MAPK4: variants seen among roughly 807,000 people sequenced by gnomAD.
MAPK4 encodes the protein Erk3-related.
Under a neutral mutation model 47.7 loss-of-function variants are expected in MAPK4, and 22 were observed. The ratio of observed to expected loss-of-function variants is 0.46; its 90% CI spans 0.33 to 0.66. The LOEUF (loss-of-function observed/expected upper bound fraction) is 0.66, where lower values mean the gene tolerates loss of function less well. Ranked by LOEUF, MAPK4 falls within the 30% of genes least tolerant of loss-of-function variation. The pLI is 0.02. For missense variants in MAPK4, 736 were observed against 831.7 expected, an observed-to-expected ratio of 0.88 and a Z score of 1.42; for synonymous variants, 390 against 365.7, an observed-to-expected ratio of 1.07 and a Z score of -0.76.
intron 1 of MAPK4, among the ~76,000 whole-genome samples, chr18:50,606,960 G>A (rs1232169940): frequency 6.6e-6 from 1 of 152,212 alleles, no homozygotes; most frequent in African/African-American, 2.4e-5. Context: ...TACGTGAGCC[G>A]AGTCCCTGTC....
intron 1 of MAPK4, among the ~76,000 whole-genome samples, chr18:50,614,534 T>G (rs1361808849): frequency 6.6e-6 from 1 of 152,172 alleles, no homozygotes; most frequent in Non-Finnish European, 1.5e-5. Context: ...TTTTTAACTC[T>G]AGCTTTTCAA....
intron 1 of MAPK4, among the ~76,000 whole-genome samples, chr18:50,646,689 G>A (rs114923974): frequency 0.013 from 2,050 of 152,238 alleles, 42 homozygotes; most frequent in African/African-American, 0.046. Context: ...TTCTCAGAGG[G>A]GAGCACAATA....
intron 3 of MAPK4, among the ~76,000 whole-genome samples, chr18:50,720,000 C>T (rs2144462743): frequency 6.6e-6 from 1 of 152,308 alleles, no homozygotes; most frequent in East Asian, 1.9e-4. Context: ...GATTGAATCA[C>T]ATGGCCTCCC....
At chr18:50,609,309 C>T (rs2042610914) in intron 1 of MAPK4, among the ~76,000 whole-genome samples, 2 of 151,430 alleles carry the variant, frequency 1.3e-5, no homozygotes, top group Non-Finnish European at 2.9e-5. Flanking sequence ...GCAGAGGCGC[C>T]CCCCACCTCC....
intron 2 of MAPK4, among the ~76,000 whole-genome samples, chr18:50,696,374 G>C (rs11874484): frequency 0.97 from 147,514 of 152,334 alleles, 71,584 homozygotes; most frequent in East Asian, 1. Context: ...GTCCTGAGTG[G>C]CTCAGAACAG....
At chr18:50,576,787 A>C (rs2149360810) in intron 1 of MAPK4, among the ~76,000 whole-genome samples, 2 of 152,348 alleles carry the variant, frequency 1.3e-5, no homozygotes, top group Admixed American at 1.3e-4. Flanking sequence ...AGTATAATGC[A>C]GTTTGTATGA....
intron 1 of MAPK4, among the ~76,000 whole-genome samples, chr18:50,654,613 G>T (rs2144220398): frequency 6.6e-6 from 1 of 152,348 alleles, no homozygotes; most frequent in Non-Finnish European, 1.5e-5. Flanking sequence ...GTCAAAGGTT[G>T]CAGGAGTCGT....
At chr18:50,642,139 G>A (rs2042946383) in intron 1 of MAPK4, among the ~76,000 whole-genome samples, 1 of 152,218 alleles carries the variant, frequency 6.6e-6, no homozygotes, top group Non-Finnish European at 1.5e-5. Flanking sequence ...TTTAAAAGAA[G>A]TCTAAGCAAT....
intron 1 of MAPK4, among the ~76,000 whole-genome samples, chr18:50,589,516 A>G (rs1222588725): frequency 6.6e-6 from 1 of 151,626 alleles, no homozygotes; most frequent in Non-Finnish European, 1.5e-5. Context: ...GAATGGCGGG[A>G]ACCCGGGAGG....
At chr18:50,647,342 T>C (rs1366528772) in intron 1 of MAPK4, among the ~76,000 whole-genome samples, 1 of 152,198 alleles carries the variant, frequency 6.6e-6, no homozygotes, top group Non-Finnish European at 1.5e-5. Context: ...TGGCTGCTCC[T>C]GAGGGAGGGA....
intron 1 of MAPK4, among the ~76,000 whole-genome samples, chr18:50,561,722 A>C (rs1424573348): frequency 2.0e-5 from 3 of 152,196 alleles, no homozygotes; most frequent in African/African-American, 7.2e-5. Flanking sequence ...GTGGTGTATG[A>C]AGGGCTAGTC....
In MAPK4 at chr18:50,726,088, C is replaced by T. The variant is rs1407432002; in HGVS notation, c.980C>T (p.Pro327Leu). The T allele has an allele frequency of 6.2e-7, 1 of 1,614,050 alleles. No individual in the cohort carries two copies. Among genetic ancestry groups the T allele is most frequent in the African/African-American group, 1.3e-5 (1 of 74,918 alleles). Residue 327 changes from proline (P) to leucine (L), a missense_variant, in exon 5 of 6, where the codon CCC becomes CTC. Physicochemically the swap from Pro to Leu is moderately conservative, Grantham distance 98 (BLOSUM62 -3). Coordinates refer to ENST00000400384, the MANE Select transcript of MAPK4 (RefSeq NM_002747.4). ...GAGGACGAGCCCACCTCACAACACC[C>T]CTTCCGCATTGAGGATGAGATCGAC... ...CPEDEPTSQH[P>L]FRIEDEIDDI...
rs117904786 is a variant in MAPK4 at position 50,697,718 on chromosome 18, A to G, written c.547-17361A>G. ...CCACAGAGGGGAAGGTAGGAAGCCG[A>G]ATAACATCAGCCACCCCTGAGCCTG... On this transcript the variant is annotated intron_variant, in intron 2 of 5. Coordinates refer to ENST00000400384, the MANE Select transcript of MAPK4 (RefSeq NM_002747.4). 7.9e-3 allele frequency among the ~76,000 whole-genome samples: 1,204 copies of G among 152,302 alleles called. 8 individuals are homozygous for G. The highest frequency in any genetic ancestry group is 0.017 in the Middle Eastern group (5 of 294).
chr18:50,663,831 G>T lies in MAPK4; in HGVS notation c.-128G>T. 1.3e-6 allele frequency: 1 copy of T among 770,598 alleles called. No homozygotes were observed. The highest frequency in any genetic ancestry group is 2.6e-5 in the East Asian group (1 of 38,360). 47.7% of individuals were successfully genotyped at this position (770,598 alleles called of 1,614,324 possible). A position where few individuals can be genotyped will look rare whatever the true frequency, so the allele number is the denominator to read the frequency against. ...AGAGCTGGTGGCAGTGACCTCACTA[G>T]GAGAAAACACATCCCTCAGCCGTGG... On this transcript the variant is annotated 5_prime_UTR_variant, in exon 2 of 6. It adds an upstream start codon to the 5' untranslated region. Transcript: ENST00000400384.
chr18:50,563,879 T>TA (rs2042175844), intron 1 of MAPK4, among the ~76,000 whole-genome samples: 1 of 152,192 alleles, frequency 6.6e-6, no homozygotes, highest in Admixed American at 6.5e-5. Context: ...CTCTTAAATA[T>TA]GAATGTAGGT....
chr18:50,710,173 T>G (rs144462519), intron 2 of MAPK4, among the ~76,000 whole-genome samples: 6 of 152,166 alleles, frequency 3.9e-5, no homozygotes, highest in Admixed American at 2.6e-4. Context: ...GAGAATGTCA[T>G]CTCATTTAAA....
At chr18:50,611,764 G>A (rs554570534) in intron 1 of MAPK4, among the ~76,000 whole-genome samples, 1 of 152,334 alleles carries the variant, frequency 6.6e-6, no homozygotes, top group African/African-American at 2.4e-5. Context: ...GCCCACGTCA[G>A]CAAGATGCAG....
chr18:50,663,768 G>T lies in MAPK4; in HGVS notation c.-191G>T. ...ACAGCCTGCGCCCCCAACTAGCACA[G>T]CTCAGCGAGCATGACCATATGCCAT... On this transcript the variant is annotated 5_prime_UTR_variant, in exon 2 of 6. Coordinates refer to ENST00000400384, the MANE Select transcript of MAPK4 (RefSeq NM_002747.4). 10 of 563,334 alleles carry T rather than the reference G, an allele frequency of 1.8e-5. No homozygotes were observed. The highest frequency in any genetic ancestry group is 9.3e-5 in the Admixed American group (3 of 32,258). 34.9% of individuals were successfully genotyped at this position (563,334 alleles called of 1,614,324 possible). A position where few individuals can be genotyped will look rare whatever the true frequency, so the allele number is the denominator to read the frequency against.
At chr18:50,659,972 G>T (rs1331782416) in intron 1 of MAPK4, among the ~76,000 whole-genome samples, 2 of 152,158 alleles carry the variant, frequency 1.3e-5, no homozygotes, top group Non-Finnish European at 2.9e-5. Flanking sequence ...TGCCCAGGTG[G>T]ACACATCCAG....
Sources: allele counts gnomAD v4.1 joint callset (sites outside exome capture counted in the v4.1 genomes callset), GRCh38; gene constraint gnomAD v4.1.1; transcripts MANE v1.5; gene names NCBI Gene and HGNC (gene_info 2026-07-23, HGNC 2026-07-21).